ONECUT3: variants seen among roughly 807,000 people sequenced by gnomAD.
ONECUT3 encodes the protein one cut domain family member 3.
A neutral mutation model predicts 16.8 loss-of-function variants in ONECUT3; 11 were observed. The ratio of observed to expected loss-of-function variants is 0.66; its 90% CI spans 0.41 to 1.09. The LOEUF (loss-of-function observed/expected upper bound fraction) is 1.09. ONECUT3 is among the 50% of genes least tolerant of loss of function. The pLI is 0.00. For missense variants in ONECUT3, 637 were observed against 629.9 expected (o/e 1.01, Z -0.12); for synonymous variants, 344 against 310.7 (o/e 1.11, Z -1.13).
rs2067910003 is a variant in ONECUT3, at chr19:1,755,114, G to C, written c.1192+260G>C. Among the ~76,000 whole-genome samples, 1 of 152,188 alleles carries C rather than the reference G, an allele frequency of 6.6e-6. No homozygotes were observed. Among genetic ancestry groups the C allele is most frequent in the African/African-American group, 2.4e-5 (1 of 41,452 alleles). ...CTGCCCCTTTCGGGAGCGCGTAGGG[G>C]TTCTCTAGTCCTTGTTAGACTGCTG... On this transcript the variant is annotated intron_variant, in intron 1 of 1. Coordinates refer to ENST00000382349, the MANE Select transcript of ONECUT3 (RefSeq NM_001080488.2). The surrounding 1 kb of genome is among the most constrained non-coding windows in gnomAD (Gnocchi z 7.5).
chr19:1,759,908 G>C lies in ONECUT3; in HGVS notation c.1192+5054G>C, dbSNP rs978459907. Among the ~76,000 whole-genome samples the C allele has an allele frequency of 1.3e-5, 2 of 152,130 alleles. No individual in the cohort carries two copies. Among genetic ancestry groups the C allele is most frequent in the African/African-American group, 2.4e-5 (1 of 41,436 alleles). Reference sequence around the variant, plus strand: ...CAGACCCACGTGGGGCTGCGCGCGAGACTCAGGTGACTCTGGTGCCCCCAC... The same window carrying C: ...CAGACCCACGTGGGGCTGCGCGCGACACTCAGGTGACTCTGGTGCCCCCAC... On this transcript the variant is annotated intron_variant, in intron 1 of 1. Transcript: ENST00000382349. The surrounding 1 kb of genome is among the most constrained non-coding windows in gnomAD (Gnocchi z 4.1).
At chr19:1,760,191 CCCGCA>C (rs2067939329) in intron 1 of ONECUT3, among the ~76,000 whole-genome samples, 1 of 152,194 alleles carries the variant, frequency 6.6e-6, no homozygotes, top group South Asian at 2.1e-4. Context: ...TTGCCAGAGC[CCCGCA>C]CTGCTTCTGA....
intron 1 of ONECUT3, among the ~76,000 whole-genome samples, chr19:1,769,261 G>C (rs2068031596): frequency 6.6e-6 from 1 of 151,894 alleles, no homozygotes; most frequent in African/African-American, 2.4e-5. Context: ...TGGAGGAGGA[G>C]GAGGTGCTGG....
In ONECUT3 at chr19:1,762,187, C is replaced by T. The variant is rs1193065123; in HGVS notation, c.1192+7333C>T. Among the ~76,000 whole-genome samples, 1 of 152,242 alleles carries T rather than the reference C, an allele frequency of 6.6e-6. No individual in the cohort carries two copies. Among genetic ancestry groups the T allele is most frequent in the African/African-American group, 2.4e-5 (1 of 41,478 alleles). On this transcript the variant is annotated intron_variant, in intron 1 of 1. Coordinates refer to ENST00000382349, the MANE Select transcript of ONECUT3 (RefSeq NM_001080488.2). This position sits in a 1 kb window ranked among gnomAD's most constrained non-coding sequence, Gnocchi z 4.4. ...GCAGTGGCTGCGCCATCTGGAGACC[C>T]TCGTGCTGGCTGCTGGGGGTCCTGC...
rs114960482 is a variant in ONECUT3, at chr19:1,759,598, C to T, written c.1192+4744C>T. ...CACTGCAAGGGGTCCACGCCTCTTA[C>T]GGACACCCCCAGAAAAATATGCCCC... On this transcript the variant is annotated intron_variant, in intron 1 of 1. Coordinates refer to ENST00000382349, the MANE Select transcript of ONECUT3 (RefSeq NM_001080488.2). This position sits in a 1 kb window ranked among gnomAD's most constrained non-coding sequence, Gnocchi z 4.1. Among the ~76,000 whole-genome samples, 27 of 152,246 alleles carry T rather than the reference C, an allele frequency of 1.8e-4. No individual in the cohort carries two copies. The highest frequency in any genetic ancestry group is 6.3e-4 in the African/African-American group (26 of 41,548).
intron 1 of ONECUT3, among the ~76,000 whole-genome samples, chr19:1,774,643 C>A (rs992233726): frequency 2.7e-5 from 4 of 148,118 alleles, no homozygotes; most frequent in African/African-American, 1.0e-4. Flanking sequence ...ATATCAATTT[C>A]TGTGGTCCTT....
Position 1,779,128 on chromosome 19 carries a change from A to C in ONECUT3, c.*3683A>C, listed in dbSNP as rs1324366654. 6.6e-6 allele frequency: 1 copy of C among 152,104 alleles called. No homozygotes were observed. Among genetic ancestry groups the C allele is most frequent in the Non-Finnish European group, 1.5e-5 (1 of 68,042 alleles). The allele number at this position is 152,104 out of a possible 1,614,324, so 9.4% of individuals were successfully genotyped here. A position where few individuals can be genotyped will look rare whatever the true frequency, so the allele number is the denominator to read the frequency against. ...ACAATTTTCTCTGAAATACCTCAAA[A>C]TATTTAATGTATAGTTTATGTGATT... On this transcript the variant is annotated 3_prime_UTR_variant, in exon 2 of 2. Transcript: ENST00000382349.
Position 1,778,740 on chromosome 19 carries a change from G to C in ONECUT3, c.*3295G>C, listed in dbSNP as rs757159525. 1 of 152,364 alleles carries C rather than the reference G, an allele frequency of 6.6e-6. No homozygotes were observed. Among genetic ancestry groups the C allele is most frequent in the South Asian group, 2.1e-4 (1 of 4,838 alleles). 9.4% of individuals were successfully genotyped at this position (152,364 alleles called of 1,614,324 possible). A position where few individuals can be genotyped will look rare whatever the true frequency, so the allele number is the denominator to read the frequency against. On this transcript the variant is annotated 3_prime_UTR_variant, in exon 2 of 2. Transcript: ENST00000382349. ...GCCCAGCAGCACTTTGGGAGGCCGA[G>C]ACAGGAGGATCGCTTGAGGCCAGGA...
intron 1 of ONECUT3, among the ~76,000 whole-genome samples, chr19:1,761,004 C>T (rs1001690591): frequency 1.3e-5 from 2 of 151,788 alleles, no homozygotes; most frequent in African/African-American, 4.8e-5. Flanking sequence ...TGGTGGTCTC[C>T]TCCTCCACCT....
Position 1,770,842 on chromosome 19 carries a change from A to G in ONECUT3, c.1193-4311A>G, listed in dbSNP as rs190833472. On this transcript the variant is annotated intron_variant, in intron 1 of 1. Transcript: ENST00000382349. ...CATAGGTTCTTGTCTCTCCTTTCAC[A>G]CATAAAAGGCTCCCTGGTACACTGT... Among the ~76,000 whole-genome samples, 80 of 152,326 alleles carry G rather than the reference A, an allele frequency of 5.3e-4. 3 individuals carry two copies. The East Asian group carries it at 0.01, about 19-fold the overall frequency.
chr19:1,754,494 G>T lies in ONECUT3; in HGVS notation c.832G>T (p.Gly278Trp). Residue 278 changes from glycine (G) to tryptophan (W), a missense_variant, in exon 1 of 2, where the codon GGG (glycine) becomes TGG (tryptophan). Around this residue, in one of 3 missense-constraint regions of ONECUT3, gnomAD observed 419 missense variants for 377.9 expected, o/e 1.11. Transcript: ENST00000382349. The surrounding 1 kb of genome is among the most constrained non-coding windows in gnomAD (Gnocchi z 7.4). Reference protein sequence around the residue: ...GGTGSGGAGSGSAAGLLAPLG... With the variant: ...GGTGSGGAGSWSAAGLLAPLG... ...CACAGGCAGCGGCGGAGCGGGCAGC[G>T]GGAGCGCCGCGGGGCTGCTGGCGCC... 1 of 981,062 alleles carries T rather than the reference G, an allele frequency of 1.0e-6. No homozygotes were observed. Among genetic ancestry groups the T allele is most frequent in the South Asian group, 4.6e-5 (1 of 21,656 alleles). The allele number at this position is 981,062 out of a possible 1,614,324, so 60.8% of individuals were successfully genotyped here. A position where few individuals can be genotyped will look rare whatever the true frequency, so the allele number is the denominator to read the frequency against.
At chr19:1,769,039 G>A (rs1188465057) in intron 1 of ONECUT3, among the ~76,000 whole-genome samples, 1 of 79,612 alleles carries the variant, frequency 1.3e-5, no homozygotes, top group Non-Finnish European at 2.6e-5. Context: ...TGGAGGTGAC[G>A]GTGGAGGTGG....
Position 1,775,346 on chromosome 19 carries a change from C to T in ONECUT3, c.1386C>T (p.Phe462=), listed in dbSNP as rs542294900. 2.3e-5 allele frequency: 36 copies of T among 1,578,456 alleles called. No homozygotes were observed. In the South Asian group the frequency reaches 3.8e-4, roughly 17 times the overall value. The change falls in exon 2 of 2, where the codon TTC becomes TTT. Residue 462 remains phenylalanine (F), a synonymous_variant. Transcript: ENST00000382349. ...GLELNTVSNF[F]MNARRRCMNR... is the part of the protein sequence containing the mutation. The stretch of plus-strand genomic sequence containing the variant: ...AGCTCAACACCGTCAGCAACTTCTT[C>T]ATGAACGCGCGGCGCCGCTGCATGA...
At chr19:1,761,117 A>G (rs1338616388) in intron 1 of ONECUT3, among the ~76,000 whole-genome samples, 4 of 139,178 alleles carry the variant, frequency 2.9e-5, no homozygotes, top group African/African-American at 8.1e-5. Flanking sequence ...CAGTGGCGCA[A>G]CCTCGGCTCA....
rs904084188 is a variant in ONECUT3, at chr19:1,764,206, C to A, written c.1192+9352C>A. Among the ~76,000 whole-genome samples the A allele has an allele frequency of 6.6e-6, 1 of 152,110 alleles. No homozygotes were observed. Among genetic ancestry groups the A allele is most frequent in the African/African-American group, 2.4e-5 (1 of 41,408 alleles). ...CTGGCTTTGCTCCTGTTTGAGGGTG[C>A]CTGAATGGGGTGGGTCTCTGTAGCT... On this transcript the variant is annotated intron_variant, in intron 1 of 1. Transcript: ENST00000382349. This position sits in a 1 kb window ranked among gnomAD's most constrained non-coding sequence, Gnocchi z 5.0.
intron 1 of ONECUT3, among the ~76,000 whole-genome samples, chr19:1,769,231 GGT>G (rs1420137216): frequency 6.6e-6 from 1 of 151,936 alleles, no homozygotes; most frequent in Non-Finnish European, 1.5e-5. Flanking sequence ...TGAAGGAGGA[GGT>G]GGAGGTGCTG....
At position 1,755,419 on chromosome 19, in the gene ONECUT3, T is replaced by C. The variant is rs978805818; in HGVS notation, c.1192+565T>C. On this transcript the variant is annotated intron_variant, in intron 1 of 1. Transcript: ENST00000382349. The surrounding 1 kb of genome is among the most constrained non-coding windows in gnomAD (Gnocchi z 7.5). Reference sequence around the variant, plus strand: ...CCACCTGCCCCAGCGCGCGCTTCTTTGTAGTTCGGCCCCGCGATCGATACC... The same window carrying C: ...CCACCTGCCCCAGCGCGCGCTTCTTCGTAGTTCGGCCCCGCGATCGATACC... Among the ~76,000 whole-genome samples the C allele has an allele frequency of 6.6e-6, 1 of 151,908 alleles. No individual in the cohort carries two copies. Among genetic ancestry groups the C allele is most frequent in the Non-Finnish European group, 1.5e-5 (1 of 67,956 alleles).
At chr19:1,771,879 A>G (rs1035985731) in intron 1 of ONECUT3, among the ~76,000 whole-genome samples, 10 of 152,074 alleles carry the variant, frequency 6.6e-5, no homozygotes, top group African/African-American at 2.2e-4. Context: ...GGGTCTCACT[A>G]TATTCTCCAA....
At position 1,779,991 on chromosome 19, in the gene ONECUT3, C is replaced by G. The variant is rs1034928830; in HGVS notation, c.*4546C>G. The stretch of plus-strand genomic sequence containing the variant: ...GTGTCATCGATATCTTAGACCCCCC[C>G]AACCCCCCATCACCCGGTTGCTTTC... On this transcript the variant is annotated 3_prime_UTR_variant, in exon 2 of 2. Transcript: ENST00000382349. 3.3e-5 allele frequency: 5 copies of G among 153,340 alleles called. No homozygotes were observed. 9.5% of individuals were successfully genotyped at this position (153,340 alleles called of 1,614,324 possible).
Sources: gnomAD v4.1 joint callset for allele counts (sites outside exome capture counted in the v4.1 genomes callset) on GRCh38, gnomAD v4.1.1 for gene constraint, gnomAD v4.1.1 regional missense constraint, Gnocchi (gnomAD v3.1) non-coding constraint, MANE v1.5 for transcripts, NCBI Gene and HGNC (gene_info 2026-07-23, HGNC 2026-07-21) for gene names.